The following PLPPR5 variants were observed in gnomAD, a reference collection of about 807,000 sequenced individuals.
The protein encoded by PLPPR5 is phospholipid phosphatase-related protein type 5.
Under a neutral mutation model 33.9 loss-of-function variants are expected in PLPPR5, and 16 were observed. The ratio of observed to expected loss-of-function variants is 0.47; its 90% CI spans 0.32 to 0.72. The LOEUF (loss-of-function observed/expected upper bound fraction) is 0.72. Ranked by LOEUF, PLPPR5 falls within the 30% of genes least tolerant of loss-of-function variation. PLPPR5 has a pLI of 0.03. For synonymous variants in PLPPR5, 163 were observed against 150.3 expected (o/e 1.08, Z -0.62); for missense variants, 301 against 406.7 (o/e 0.74, Z 2.23).
chr1:98,958,704 T>C (rs1028119127), intron 1 of PLPPR5, among the ~76,000 whole-genome samples: 1 of 152,202 alleles, frequency 6.6e-6, no homozygotes, highest in Admixed American at 6.5e-5. Context: ...CTGAATAACG[T>C]TTTTCTCATG....
At chr1:98,985,700 T>C (rs888246166) in intron 1 of PLPPR5, among the ~76,000 whole-genome samples, 4 of 152,180 alleles carry the variant, frequency 2.6e-5, no homozygotes, top group Admixed American at 1.3e-4. Flanking sequence ...TATGTTTATA[T>C]ACACAAATAC....
chr1:98,946,168 T>G (rs1466166478), intron 3 of PLPPR5, among the ~76,000 whole-genome samples: 2 of 152,196 alleles, frequency 1.3e-5, no homozygotes, highest in Non-Finnish European at 2.9e-5. Context: ...TTGATCTTCT[T>G]AAAAGCTTTC....
chr1:98,891,136 G>C lies in PLPPR5; in HGVS notation c.*1936C>G, dbSNP rs1436999077. The stretch of plus-strand genomic sequence containing the variant: ...TATTGCCTAAAAAATCTTTAAAAAG[G>C]GTCAAGACATTCAAAGTTTCTTCAT... On this transcript the variant is annotated 3_prime_UTR_variant, in exon 6 of 6. Transcript: ENST00000263177. 1.3e-5 allele frequency: 2 copies of C among 151,992 alleles called. No homozygotes were observed. Among genetic ancestry groups the C allele is most frequent in the Non-Finnish European group, 2.9e-5 (2 of 67,978 alleles). 9.4% of individuals were successfully genotyped at this position (151,992 alleles called of 1,614,324 possible).
At chr1:98,995,510 C>T (rs1652602324) in intron 1 of PLPPR5, among the ~76,000 whole-genome samples, 1 of 152,070 alleles carries the variant, frequency 6.6e-6, no homozygotes, top group South Asian at 2.1e-4. Flanking sequence ...ACTAAAATAG[C>T]TTGGAGATAC....
At chr1:98,909,989 C>T (rs1649063008) in intron 5 of PLPPR5, among the ~76,000 whole-genome samples, 2 of 152,134 alleles carry the variant, frequency 1.3e-5, no homozygotes, top group Admixed American at 1.3e-4. Context: ...ATATGAAAAA[C>T]TCCTATAATT....
In PLPPR5 at chr1:98,965,826, G is replaced by A. The variant is rs1357784870; in HGVS notation, c.238-9085C>T. Among the ~76,000 whole-genome samples the A allele has an allele frequency of 3.3e-5, 5 of 152,166 alleles. No individual in the cohort carries two copies. The East Asian group carries it at 9.6e-4, about 29-fold the overall frequency. On this transcript the variant is annotated intron_variant, in intron 1 of 5. Transcript: ENST00000263177. ...AAAGATATCCATGCATCATTGATTT[G>A]AAATTGGTACAAGAAAACCATTTCA... is the stretch of plus-strand genomic sequence containing the variant.
At chr1:98,910,701 G>A (rs1649111019) in intron 5 of PLPPR5, among the ~76,000 whole-genome samples, 1 of 152,088 alleles carries the variant, frequency 6.6e-6, no homozygotes, top group African/African-American at 2.4e-5. Context: ...CCCCGGACAG[G>A]ATGCCATCCC....
At chr1:98,955,220 T>A (rs892995969) in intron 2 of PLPPR5, among the ~76,000 whole-genome samples, 1 of 152,092 alleles carries the variant, frequency 6.6e-6, no homozygotes, top group African/African-American at 2.4e-5. Flanking sequence ...CAAATGGGCT[T>A]TCATATTTTA....
chr1:98,955,294 C>G (rs892092884), intron 2 of PLPPR5, among the ~76,000 whole-genome samples: 2 of 152,046 alleles, frequency 1.3e-5, no homozygotes, highest in African/African-American at 4.8e-5. Flanking sequence ...GCCAAATATT[C>G]TTTAGAAATA....
intron 3 of PLPPR5, among the ~76,000 whole-genome samples, chr1:98,942,532 C>A (rs538563901): frequency 6.6e-6 from 1 of 152,198 alleles, no homozygotes; most frequent in African/African-American, 2.4e-5. Context: ...TCTCTAATCT[C>A]TATTTCAAGA....
At chr1:98,962,241 T>C (rs547818041) in intron 1 of PLPPR5, among the ~76,000 whole-genome samples, 1 of 152,164 alleles carries the variant, frequency 6.6e-6, no homozygotes, top group East Asian at 1.9e-4. Flanking sequence ...CAACATAATG[T>C]TGTGAAATAT....
At chr1:98,945,482 G>C (rs1650515982) in intron 3 of PLPPR5, among the ~76,000 whole-genome samples, 1 of 152,128 alleles carries the variant, frequency 6.6e-6, no homozygotes, top group Admixed American at 6.5e-5. Flanking sequence ...TTTTCAATGG[G>C]GGTACCTTCC....
rs1023038846 is a variant in PLPPR5, at chr1:98,891,220, C to A, written c.*1852G>T. 2.6e-5 allele frequency: 4 copies of A among 152,020 alleles called. No individual in the cohort carries two copies. The highest frequency in any genetic ancestry group is 2.1e-4 in the South Asian group (1 of 4,832). The allele number at this position is 152,020 out of a possible 1,614,324, so 9.4% of individuals were successfully genotyped here. On this transcript the variant is annotated 3_prime_UTR_variant, in exon 6 of 6. Transcript: ENST00000263177. ...GAGGTCTGAAATTAGTAGAAATTTT[C>A]TTTTCTTTTCTCTTTTTGGCCCTAG...
chr1:98,965,176 C>A (rs1651391921), intron 1 of PLPPR5, among the ~76,000 whole-genome samples: 1 of 152,004 alleles, frequency 6.6e-6, no homozygotes, highest in African/African-American at 2.4e-5. Context: ...TAGTCACAGT[C>A]CCCTCCCTAT....
intron 3 of PLPPR5, among the ~76,000 whole-genome samples, chr1:98,927,738 C>T (rs944332970): frequency 4.6e-5 from 7 of 152,126 alleles, no homozygotes; most frequent in Non-Finnish European, 7.4e-5. Flanking sequence ...GGGTTTCTGA[C>T]GTAAGGGTGC....
At chr1:98,976,192 G>C (rs1036092364) in intron 1 of PLPPR5, among the ~76,000 whole-genome samples, 2 of 151,118 alleles carry the variant, frequency 1.3e-5, no homozygotes, top group African/African-American at 4.9e-5. Flanking sequence ...AAAGGAAGAG[G>C]AGTTGGGGAG....
chr1:98,977,131 T>C (rs1352685357), intron 1 of PLPPR5, among the ~76,000 whole-genome samples: 1 of 152,022 alleles, frequency 6.6e-6, no homozygotes, highest in African/African-American at 2.4e-5. Flanking sequence ...TCCAGTGACT[T>C]GGTCTTTAAA....
chr1:98,954,094 G>A (rs1357324397), intron 2 of PLPPR5, among the ~76,000 whole-genome samples: 2 of 152,142 alleles, frequency 1.3e-5, no homozygotes, highest in African/African-American at 2.4e-5. Context: ...AACTAAGTGT[G>A]TAGATATTTT....
At chr1:98,976,971 T>A (rs1382307553) in intron 1 of PLPPR5, among the ~76,000 whole-genome samples, 3 of 152,020 alleles carry the variant, frequency 2.0e-5, no homozygotes, top group Non-Finnish European at 2.9e-5. Context: ...GGTCCCAGGT[T>A]TAAAAAGAGC....
Sources: gnomAD v4.1 joint callset for allele counts (sites outside exome capture counted in the v4.1 genomes callset) on GRCh38, gnomAD v4.1.1 for gene constraint, MANE v1.5 for transcripts, NCBI Gene and HGNC (gene_info 2026-07-23, HGNC 2026-07-21) for gene names.